ASIC2: variants seen among roughly 807,000 people sequenced by gnomAD.
The protein encoded by ASIC2 is acid-sensing ion channel 2.
Under a neutral mutation model 57.3 loss-of-function variants are expected in ASIC2, and 25 were observed. That is an observed-to-expected ratio of 0.44 (90% CI 0.32 to 0.61). The LOEUF is 0.61. Ranked by LOEUF, ASIC2 falls within the 20% of genes least tolerant of loss-of-function variation. ASIC2 has a pLI of 0.06. For missense variants in ASIC2, 641 were observed against 738.1 expected (o/e 0.87, Z 1.52); for synonymous variants, 319 against 307.5 (o/e 1.04, Z -0.39).
At chr17:33,118,581 C>G (rs2141994365) in intron 1 of ASIC2, among the ~76,000 whole-genome samples, 1 of 152,268 alleles carries the variant, frequency 6.6e-6, no homozygotes, top group South Asian at 2.1e-4. Context: ...AGAGCTCTCC[C>G]ACCTGGTAGT....
At chr17:34,141,432 A>G (rs1301688349) in intron 1 of ASIC2, among the ~76,000 whole-genome samples, 1 of 152,200 alleles carries the variant, frequency 6.6e-6, no homozygotes, top group Non-Finnish European at 1.5e-5. Flanking sequence ...CTCCTTTTGG[A>G]AAATTTTCAG....
At chr17:33,467,245 A>G (rs1912897855) in intron 1 of ASIC2, among the ~76,000 whole-genome samples, 1 of 152,220 alleles carries the variant, frequency 6.6e-6, no homozygotes, top group African/African-American at 2.4e-5. Flanking sequence ...CTGGCCTTGA[A>G]AATATTTTTT....
intron 1 of ASIC2, among the ~76,000 whole-genome samples, chr17:33,137,991 C>T (rs914652099): frequency 2.0e-5 from 3 of 152,096 alleles, no homozygotes; most frequent in East Asian, 1.9e-4. Flanking sequence ...CTTGGATTTC[C>T]GGTGACCTTT....
chr17:33,317,610 A>G (rs1360086090), intron 1 of ASIC2, among the ~76,000 whole-genome samples: 1 of 152,190 alleles, frequency 6.6e-6, no homozygotes, highest in Non-Finnish European at 1.5e-5. Context: ...GATGTTTTTC[A>G]AGGCCAGGTA....
In ASIC2 at chr17:33,292,271, GC is replaced by G. The variant is rs1905516453; in HGVS notation, c.-157del. On this transcript the variant is annotated 5_prime_UTR_variant, in exon 1 of 10. Coordinates refer to ENST00000225823, the MANE Select transcript of ASIC2 (RefSeq NM_183377.2). ...GAAAGGAGCTCCGGTGGCGCGGCATGCCCGCCCGGCGCCGCCGCTGCCGCCT... is the reference window on the plus strand; with the variant it reads ...GAAAGGAGCTCCGGTGGCGCGGCATGCCGCCCGGCGCCGCCGCTGCCGCCT... The G allele has an allele frequency of 2.0e-6, 2 of 989,724 alleles. No individual in the cohort carries two copies. Among genetic ancestry groups the G allele is most frequent in the Non-Finnish European group, 2.4e-6 (2 of 834,378 alleles). 61.3% of individuals were successfully genotyped at this position (989,724 alleles called of 1,614,324 possible).
intron 1 of ASIC2, among the ~76,000 whole-genome samples, chr17:33,445,797 C>CAAAAAA (rs60125160): frequency 5.8e-5 from 7 of 120,962 alleles, no homozygotes; most frequent in Non-Finnish European, 3.3e-5. Context: ...AACTCCATCT[C>CAAAAAA]AAAAAAAAAA....
At chr17:33,672,902 G>A (rs944162865) in intron 1 of ASIC2, among the ~76,000 whole-genome samples, 3 of 152,122 alleles carry the variant, frequency 2.0e-5, no homozygotes, top group African/African-American at 7.2e-5. Context: ...TCTATAAAGT[G>A]GAAATAGCCA....
chr17:33,561,597 C>CA (rs1313407406), intron 1 of ASIC2, among the ~76,000 whole-genome samples: 2 of 152,176 alleles, frequency 1.3e-5, no homozygotes, highest in African/African-American at 4.8e-5. Flanking sequence ...TGGAGTGCTG[C>CA]AATTTGTAGA....
chr17:33,409,749 T>C (rs763528520), intron 1 of ASIC2, among the ~76,000 whole-genome samples: 5 of 152,136 alleles, frequency 3.3e-5, no homozygotes, highest in Non-Finnish European at 5.9e-5. Context: ...GGGGTATGAA[T>C]ACAGCTAGAA....
intron 1 of ASIC2, among the ~76,000 whole-genome samples, chr17:33,272,119 C>T (rs1262426815): frequency 2.0e-5 from 3 of 152,218 alleles, no homozygotes; most frequent in African/African-American, 7.2e-5. Context: ...GCTCAAATGC[C>T]ACCTGTTCAT....
At chr17:33,197,190 T>C (rs1156873527) in intron 1 of ASIC2, among the ~76,000 whole-genome samples, 5 of 152,208 alleles carry the variant, frequency 3.3e-5, no homozygotes, top group African/African-American at 1.2e-4. Flanking sequence ...TCTGGCACTG[T>C]GAGATTCCAG....
chr17:33,885,627 G>T (rs1914810633), intron 1 of ASIC2, among the ~76,000 whole-genome samples: 1 of 152,200 alleles, frequency 6.6e-6, no homozygotes, highest in Non-Finnish European at 1.5e-5. Flanking sequence ...CTGGAGTCAA[G>T]CCTGGAATAT....
chr17:33,553,968 C>A (rs867771129), intron 1 of ASIC2, among the ~76,000 whole-genome samples: 2 of 152,252 alleles, frequency 1.3e-5, no homozygotes, highest in Middle Eastern at 3.4e-3. Context: ...TTTTCCCCTG[C>A]AGTTGAGTTC....
intron 1 of ASIC2, among the ~76,000 whole-genome samples, chr17:33,491,310 A>G (rs970552953): frequency 1.3e-5 from 2 of 152,094 alleles, no homozygotes; most frequent in African/African-American, 4.8e-5. Flanking sequence ...CTCTAACATG[A>G]TGCTGGGCAC....
intron 1 of ASIC2, among the ~76,000 whole-genome samples, chr17:33,300,592 G>C (rs1236222849): frequency 6.6e-6 from 1 of 152,156 alleles, no homozygotes; most frequent in African/African-American, 2.4e-5. Context: ...GCATTATGTT[G>C]TGTATTTGCA....
At chr17:33,434,166 C>T (rs1911521389) in intron 1 of ASIC2, among the ~76,000 whole-genome samples, 1 of 151,528 alleles carries the variant, frequency 6.6e-6, no homozygotes, top group Non-Finnish European at 1.5e-5. Flanking sequence ...AACAAAAAGA[C>T]AAATGGTATT....
At chr17:33,415,826 A>C (rs1031220841) in intron 1 of ASIC2, among the ~76,000 whole-genome samples, 1 of 152,238 alleles carries the variant, frequency 6.6e-6, no homozygotes, top group African/African-American at 2.4e-5. Flanking sequence ...CTGCAGTTAG[A>C]CATCTTCTTG....
At chr17:34,109,913 T>A (rs1374633879) in intron 1 of ASIC2, among the ~76,000 whole-genome samples, 2 of 152,122 alleles carry the variant, frequency 1.3e-5, no homozygotes, top group African/African-American at 4.8e-5. Flanking sequence ...GTATAGATTT[T>A]ATGACTAGGT....
chr17:33,426,098 G>T (rs981819546), intron 1 of ASIC2, among the ~76,000 whole-genome samples: 4 of 152,116 alleles, frequency 2.6e-5, no homozygotes, highest in African/African-American at 9.7e-5. Flanking sequence ...GACAATGAAG[G>T]GTTGTTGAGG....
Sources: gnomAD v4.1 joint callset for allele counts (sites outside exome capture counted in the v4.1 genomes callset) on GRCh38, gnomAD v4.1.1 for gene constraint, MANE v1.5 for transcripts, NCBI Gene and HGNC (gene_info 2026-07-23, HGNC 2026-07-21) for gene names.